SRSF11: variants seen among roughly 807,000 people sequenced by gnomAD.
The protein encoded by SRSF11 is serine and arginine rich splicing factor 11, also known as serine/arginine-rich splicing factor 11.
SRSF11 carries 9 observed loss-of-function variants against 56.0 expected under a neutral mutation model. The ratio of observed to expected loss-of-function variants is 0.16; its 90% CI spans 0.10 to 0.28. The LOEUF (loss-of-function observed/expected upper bound fraction) is 0.28. SRSF11 is among the 10% of genes least tolerant of loss of function. The pLI is 1.00. For synonymous variants in SRSF11, 222 were observed against 215.3 expected (o/e 1.03, Z -0.27); for missense variants, 421 against 600.7 (o/e 0.70, Z 3.13).
chr1:70,238,943 T>C (rs2100854556), intron 6 of SRSF11, among the ~76,000 whole-genome samples: 1 of 152,340 alleles, frequency 6.6e-6, no homozygotes, highest in African/African-American at 2.4e-5. Flanking sequence ...TGATTTGCAA[T>C]TTATAGTATT....
intron 5 of SRSF11, 147 bp from the exon 6 acceptor site, chr1:70,237,275 ATGT>A (rs1334614222): frequency 5.3e-5 from 46 of 873,584 alleles, no homozygotes; most frequent in Non-Finnish European, 5.6e-5. Flanking sequence ...GCTATGCTAT[ATGT>A]TGTTTACCAA....
intron 7 of SRSF11, among the ~76,000 whole-genome samples, chr1:70,240,133 A>G (rs1675004603): frequency 6.6e-6 from 1 of 152,234 alleles, no homozygotes; most frequent in Non-Finnish European, 1.5e-5. Context: ...TAATACAGCC[A>G]TTATACTTCA....
chr1:70,220,170 G>T (rs1169187190), upstream of SRSF11, among the ~76,000 whole-genome samples: 1 of 152,180 alleles, frequency 6.6e-6, no homozygotes, highest in South Asian at 2.1e-4. Flanking sequence ...ATAAATACAT[G>T]TATCTTCTGT....
upstream of SRSF11, among the ~76,000 whole-genome samples, chr1:70,217,015 A>G (rs536847823): frequency 7.2e-4 from 110 of 152,334 alleles, no homozygotes; most frequent in Middle Eastern, 3.4e-3. Flanking sequence ...TTCCTCCAGA[A>G]ATTCAAATGT....
At chr1:70,217,189 G>A (rs537924208), upstream of SRSF11, among the ~76,000 whole-genome samples, 85 of 151,442 alleles carry the variant, frequency 5.6e-4, no homozygotes, top group Non-Finnish European at 1.2e-4. Context: ...ATGGCGTTTC[G>A]CTCTTGTTGC....
At chr1:70,237,222 C>T (rs1212010149) in intron 5 of SRSF11, among the ~76,000 whole-genome samples, 1 of 149,666 alleles carries the variant, frequency 6.7e-6, no homozygotes, top group Non-Finnish European at 1.5e-5. Context: ...TTCCAGATGA[C>T]TCTTAGTCAT....
intron 7 of SRSF11, 59 bp downstream of exon 7, chr1:70,239,579 C>G: frequency 7.8e-7 from 1 of 1,283,368 alleles, no homozygotes; most frequent in Non-Finnish European, 1.1e-6. Flanking sequence ...TATGTCACAT[C>G]TTTTTTAATT....
intron 3 of SRSF11, among the ~76,000 whole-genome samples, chr1:70,234,363 A>G (rs1673486257): frequency 6.6e-6 from 1 of 152,208 alleles, no homozygotes; most frequent in Non-Finnish European, 1.5e-5. Context: ...GCACAAGAAT[A>G]TGTTGAAATA....
At chr1:70,234,068 G>T (rs956686537) in intron 3 of SRSF11, among the ~76,000 whole-genome samples, 2 of 152,154 alleles carry the variant, frequency 1.3e-5, no homozygotes, top group African/African-American at 2.4e-5. Context: ...TCTCTTGGGT[G>T]CCCTGGGGAG....
intron 6 of SRSF11, among the ~76,000 whole-genome samples, chr1:70,238,009 T>C (rs572293338): frequency 6.6e-6 from 1 of 152,326 alleles, no homozygotes; most frequent in South Asian, 2.1e-4. Flanking sequence ...GATTGTCTTT[T>C]TGAGAGTAAA....
At chr1:70,228,692 T>C in intron 2 of SRSF11, 137 bp downstream of exon 2, 4 of 1,346,604 alleles carry the variant, frequency 3.0e-6, no homozygotes, top group Non-Finnish European at 3.8e-6. Context: ...CAGTCCGTAA[T>C]TTTTGCTTGC....
chr1:70,215,890 C>T (rs1571588029), intron 1 of SRSF11, among the ~76,000 whole-genome samples: 1 of 152,322 alleles, frequency 6.6e-6, no homozygotes, highest in East Asian at 1.9e-4. Context: ...TCAAGCAATT[C>T]TTCCTCCTCG....
chr1:70,215,803 T>C (rs12565362), intron 1 of SRSF11, among the ~76,000 whole-genome samples: 17,984 of 152,170 alleles, frequency 0.12, 1,252 homozygotes, highest in East Asian at 0.3. Context: ...CCTTTTGAGA[T>C]GGAATTTCGC....
At chr1:70,233,215 GTTT>G (rs113798610) in intron 3 of SRSF11, among the ~76,000 whole-genome samples, 1 of 149,584 alleles carries the variant, frequency 6.7e-6, no homozygotes, top group African/African-American at 2.5e-5. Context: ...GTTTTGTTTT[GTTT>G]TTTTTTGTTT....
chr1:70,245,329 AAAGT>A (rs1301781843), intron 8 of SRSF11, among the ~76,000 whole-genome samples: 1 of 152,206 alleles, frequency 6.6e-6, no homozygotes, highest in East Asian at 1.9e-4. Context: ...TCATGTCATT[AAAGT>A]AAGTACAGCT....
chr1:70,236,332 CTTTTTTTTTTTTTTTTT>C (rs1226016940), intron 5 of SRSF11, among the ~76,000 whole-genome samples: 2 of 133,860 alleles, frequency 1.5e-5, no homozygotes, highest in Non-Finnish European at 3.2e-5. Flanking sequence ...CTTTCTTTTT[CTTTTTTTTTTTTTTTTT>C]GAGACGAGTC....
intron 7 of SRSF11, among the ~76,000 whole-genome samples, chr1:70,242,640 G>A (rs1675746288): frequency 6.6e-6 from 1 of 151,986 alleles, no homozygotes; most frequent in African/African-American, 2.4e-5. Flanking sequence ...TGTGTTAAAT[G>A]ACCATGACTT....
At chr1:70,206,402 TAAGTG>T (rs1045829924) in intron 1 of SRSF11, among the ~76,000 whole-genome samples, 2 of 152,138 alleles carry the variant, frequency 1.3e-5, no homozygotes, top group African/African-American at 4.8e-5. Flanking sequence ...GTTTTTGAAA[TAAGTG>T]AAGATAAAAA....
At chr1:70,218,272 G>C (rs1670205370), upstream of SRSF11, among the ~76,000 whole-genome samples, 1 of 152,210 alleles carries the variant, frequency 6.6e-6, no homozygotes, top group Non-Finnish European at 1.5e-5. Context: ...CTGGCCAACA[G>C]GGCTGGTATT....
Sources: allele counts gnomAD v4.1 joint callset (sites outside exome capture counted in the v4.1 genomes callset), GRCh38; gene constraint gnomAD v4.1.1; transcripts MANE v1.5; gene names NCBI Gene and HGNC (gene_info 2026-07-23, HGNC 2026-07-21).